RNF213: variants seen among roughly 807,000 people sequenced by gnomAD.
RNF213 encodes the protein E3 ubiquitin-protein ligase RNF213.
RNF213 carries 341 observed loss-of-function variants against 514.4 expected under a neutral mutation model. The observed-to-expected ratio is 0.66, with a 90% CI of 0.61 to 0.73. The LOEUF is 0.73. RNF213 is among the 30% of genes least tolerant of loss of function. The pLI is 0.00. For missense variants in RNF213, 5,767 were observed against 6,615.6 expected, an observed-to-expected ratio of 0.87 and a Z score of 4.45; for synonymous variants, 2,655 against 2,658.2, an observed-to-expected ratio of 1.00 and a Z score of 0.04.
intron 67 of RNF213, among the ~76,000 whole-genome samples, chr17:80,391,760 CTTTTTTTTTTTTTT>C (rs779136667): frequency 5.6e-5 from 5 of 88,634 alleles, no homozygotes; most frequent in Admixed American, 1.3e-4. Flanking sequence ...ATAAACTAGC[CTTTTTTTTTTTTTT>C]TTTTTTTTTT....
intron 11 of RNF213, among the ~76,000 whole-genome samples, chr17:80,300,981 G>A (rs1484005019): frequency 6.6e-6 from 1 of 152,050 alleles, no homozygotes; most frequent in African/African-American, 2.4e-5. Context: ...TTTTTAATGA[G>A]GTTGCTTGTT....
intron 11 of RNF213, among the ~76,000 whole-genome samples, chr17:80,303,384 T>A (rs1468181189): frequency 6.6e-6 from 1 of 152,020 alleles, no homozygotes; most frequent in Non-Finnish European, 1.5e-5. Context: ...AGACGCCCCC[T>A]CATAAAGCAT....
chr17:80,358,258 G>A lies in RNF213; in HGVS notation c.10863-30G>A, dbSNP rs370461742. 609 of 1,608,204 alleles carry A rather than the reference G, an allele frequency of 3.8e-4. 1 individual carries two copies. Among genetic ancestry groups the A allele is most frequent in the Non-Finnish European group, 4.6e-4 (543 of 1,175,362 alleles). On this transcript the variant is annotated intron_variant, in intron 36 of 67. Coordinates refer to ENST00000582970, the MANE Select transcript of RNF213 (RefSeq NM_001256071.3). ...ACCGCCACTCTGGTTCCTCTGACCCGTGGTGGCCCATCTCTCTTCTGTGCT... is the reference window on the plus strand; with the variant it reads ...ACCGCCACTCTGGTTCCTCTGACCCATGGTGGCCCATCTCTCTTCTGTGCT...
intron 9 of RNF213, among the ~76,000 whole-genome samples, 177 bp downstream of exon 9, chr17:80,295,180 C>G (rs1342256218): frequency 6.6e-6 from 1 of 152,222 alleles, no homozygotes; most frequent in Non-Finnish European, 1.5e-5. Flanking sequence ...CCATTTTCCT[C>G]CTTTTACTGG....
Position 80,263,163 on chromosome 17 carries a change from G to A in RNF213, c.-108-411G>A, listed in dbSNP as rs1262747831. 6.6e-6 allele frequency among the ~76,000 whole-genome samples: 1 copy of A among 152,188 alleles called. No homozygotes were observed. The highest frequency in any genetic ancestry group is 1.5e-5 in the Non-Finnish European group (1 of 68,028). On this transcript the variant is annotated intron_variant, in intron 1 of 67. Transcript: ENST00000582970. This position sits in a 1 kb window ranked among gnomAD's most constrained non-coding sequence, Gnocchi z 4.9. Reference sequence around the variant, plus strand: ...TGCAGAGTGGCGCGCTTTGTGGATGGCAGCCTCCCCCCATTACTAGGAATC... The same window carrying A: ...TGCAGAGTGGCGCGCTTTGTGGATGACAGCCTCCCCCCATTACTAGGAATC...
At chr17:80,388,574 G>A in intron 63 of RNF213, 38 bp from the exon 64 acceptor site, 1 of 1,338,446 alleles carries the variant, frequency 7.5e-7, no homozygotes, top group South Asian at 1.2e-5. Context: ...GTCCACGATG[G>A]ATTTAATTTT....
At position 80,334,201 on chromosome 17, in the gene RNF213, C is replaced by G. The variant is rs368089058; in HGVS notation, c.4240C>G (p.Arg1414Gly). Residue 1414 changes from arginine (R) to glycine (G), a missense_variant, in exon 22 of 68, where the codon CGG (arginine) becomes GGG (glycine). Around this residue, in one of 13 missense-constraint regions of RNF213, gnomAD observed 516 missense variants for 566.5 expected, o/e 0.91. Transcript: ENST00000582970. ...GCTGCTCCAGGACATCAGCGAGGCC[C>G]GGTGCAAGGGGCTGCAGGCTCTGTC... is the stretch of plus-strand genomic sequence containing the variant. ...KKLLQDISEA[R>G]CKGLQALSLR... The G allele has an allele frequency of 1.6e-5, 25 of 1,537,104 alleles. No homozygotes were observed. Among genetic ancestry groups the G allele is most frequent in the Non-Finnish European group, 2.1e-5 (24 of 1,146,918 alleles).
chr17:80,308,970 C>T (rs752385599), intron 13 of RNF213, 48 bp from the exon 14 acceptor site: 14 of 1,611,182 alleles, frequency 8.7e-6, no homozygotes, highest in Admixed American at 3.3e-5. Context: ...CATTTTCTGG[C>T]TTCTCCTAAA....
At chr17:80,303,589 A>T (rs1156631383) in intron 11 of RNF213, among the ~76,000 whole-genome samples, 3 of 142,158 alleles carry the variant, frequency 2.1e-5, no homozygotes, top group Non-Finnish European at 3.0e-5. Context: ...TTTTTGAGAC[A>T]GTCCTGCTCT....
intron 8 of RNF213, among the ~76,000 whole-genome samples, chr17:80,293,156 C>A (rs1476200515): frequency 1.3e-5 from 2 of 152,220 alleles, no homozygotes; most frequent in East Asian, 1.9e-4. Flanking sequence ...CACCAGGGCT[C>A]AGCTGATCCT....
intron 29 of RNF213, among the ~76,000 whole-genome samples, chr17:80,349,260 G>A (rs1198606673): frequency 1.3e-5 from 2 of 152,178 alleles, no homozygotes; most frequent in African/African-American, 2.4e-5. Context: ...GCAGCTGGAC[G>A]TAGGAATCTG....
Position 80,300,673 on chromosome 17 carries a change from T to A in RNF213, c.2210+2155T>A, listed in dbSNP as rs574543715. The stretch of plus-strand genomic sequence containing the variant: ...GGTTCAAGTGATTGTCCTGCCTCAG[T>A]CTTCTGGGTAGCTGGGACCACAGGC... On this transcript the variant is annotated intron_variant, in intron 11 of 67. Coordinates refer to ENST00000582970, the MANE Select transcript of RNF213 (RefSeq NM_001256071.3). 2.0e-5 allele frequency among the ~76,000 whole-genome samples: 3 copies of A among 152,112 alleles called. No individual in the cohort carries two copies. The South Asian group carries it at 6.2e-4, about 32-fold the overall frequency.
Position 80,372,977 on chromosome 17 carries a change from A to T in RNF213, c.12754A>T (p.Met4252Leu), listed in dbSNP as rs1395338670. 1 of 1,613,408 alleles carries T rather than the reference A, an allele frequency of 6.2e-7. No homozygotes were observed. Among genetic ancestry groups the T allele is most frequent in the East Asian group, 2.2e-5 (1 of 44,828 alleles). ...FLSEPEGGPE[M>L]AKEKQCYLQQ... ...CCGCTTTCTCGTTGGCCTCTCAGAG[A>T]TGGCCAAGGAGAAGCAGTGCTACCT... Residue 4252 changes from methionine to leucine, a missense_variant and splice_region_variant, in exon 49 of 68, where the codon ATG becomes TTG. By Grantham distance (15) the Met-to-Leu change is conservative. This residue lies in a region of RNF213 where 1,245 missense variants were observed against 1,339.0 expected (regional missense o/e 0.93). Transcript: ENST00000582970.
chr17:80,331,019 A>G (rs370621924), intron 20 of RNF213, among the ~76,000 whole-genome samples: 1 of 152,156 alleles, frequency 6.6e-6, no homozygotes, highest in African/African-American at 2.4e-5. Context: ...GGATTTCATC[A>G]TGTTGGCCAG....
intron 20 of RNF213, among the ~76,000 whole-genome samples, chr17:80,329,340 C>T (rs374817637): frequency 7.9e-5 from 12 of 152,354 alleles, no homozygotes; most frequent in African/African-American, 7.2e-5. Flanking sequence ...AATTACAGAC[C>T]GGAAGTCATT....
intron 13 of RNF213, among the ~76,000 whole-genome samples, 192 bp from the exon 14 acceptor site, chr17:80,308,826 G>A (rs1328814008): frequency 6.6e-6 from 1 of 152,158 alleles, no homozygotes; most frequent in Non-Finnish European, 1.5e-5. Flanking sequence ...CAAAACAAGA[G>A]GACTTTGCTT....
At chr17:80,359,039 C>T (rs771847475) in intron 37 of RNF213, among the ~76,000 whole-genome samples, 2 of 152,174 alleles carry the variant, frequency 1.3e-5, no homozygotes, top group Middle Eastern at 3.2e-3. Flanking sequence ...CAGTGCGCTG[C>T]GAACAGCCCC....
intron 10 of RNF213, among the ~76,000 whole-genome samples, chr17:80,297,455 A>AG (rs1256736788): frequency 6.8e-6 from 1 of 147,526 alleles, no homozygotes; most frequent in Non-Finnish European, 1.5e-5. Flanking sequence ...ATCTCAAAAA[A>AG]AAAAAAAAGT....
In RNF213 at chr17:80,345,468, G is replaced by C. The variant is rs1487312091; in HGVS notation, c.7133G>C (p.Cys2378Ser). 2 of 1,611,312 alleles carry C rather than the reference G, an allele frequency of 1.2e-6. No homozygotes were observed. Among genetic ancestry groups the C allele is most frequent in the South Asian group, 2.2e-5 (2 of 90,948 alleles). Residue 2378 changes from cysteine to serine, a missense_variant, in exon 29 of 68, where the codon TGC (cysteine) becomes TCC (serine). Physicochemically the swap from Cys to Ser is moderately radical, Grantham distance 112 (BLOSUM62 -1). Around this residue, in one of 13 missense-constraint regions of RNF213, gnomAD observed 1,377 missense variants for 1,635.2 expected, o/e 0.84. Coordinates refer to ENST00000582970, the MANE Select transcript of RNF213 (RefSeq NM_001256071.3). The surrounding 1 kb of genome is among the most constrained non-coding windows in gnomAD (Gnocchi z 6.0). The part of the protein sequence containing the change: ...LPRHKKLERL[C>S]LTLGIPQATD... ...AGACACAAGAAACTTGAGAGGCTCTGCCTGACCTTAGGGATCCCCCAGGCC... is the reference window on the plus strand; with the variant it reads ...AGACACAAGAAACTTGAGAGGCTCTCCCTGACCTTAGGGATCCCCCAGGCC...
Sources: allele counts gnomAD v4.1 joint callset (sites outside exome capture counted in the v4.1 genomes callset), GRCh38; gene constraint gnomAD v4.1.1; regional missense constraint gnomAD v4.1.1; non-coding constraint Gnocchi (gnomAD v3.1); transcripts MANE v1.5; gene names NCBI Gene and HGNC (gene_info 2026-07-23, HGNC 2026-07-21).